Variants in NAV3 observed in about 807,000 individuals in gnomAD.
The protein encoded by NAV3 is pore membrane and/or filament interacting like protein 1.
NAV3 carries 87 observed loss-of-function variants against 244.7 expected under a neutral mutation model. The observed-to-expected ratio is 0.36, with a 90% confidence interval of 0.30 to 0.42. NAV3 has a LOEUF of 0.42. Ranked by LOEUF, NAV3 falls within the 20% of genes least tolerant of loss-of-function variation. The pLI, the probability that NAV3 is intolerant of heterozygous loss-of-function variation, is 1.00. For synonymous variants in NAV3, 1,126 were observed against 1,042.2 expected, an observed-to-expected ratio of 1.08 and a Z score of -1.55; for missense variants, 2,663 against 2,893.3, an observed-to-expected ratio of 0.92 and a Z score of 1.83.
rs73143961 is a variant in NAV3 at position 78,097,198 on chromosome 12, C to T, written c.2637-19574C>T. ...ATCCTAGAAAATTAAGACATCTGGT[C>T]AGGCAAGGTCATATCACCAGCACAC... On this transcript the variant is annotated intron_variant, in intron 12 of 39. Coordinates refer to ENST00000397909, the MANE Select transcript of NAV3 (RefSeq NM_001024383.2). 4.0e-3 allele frequency among the ~76,000 whole-genome samples: 616 copies of T among 152,306 alleles called. 5 individuals are homozygous for T. The highest frequency in any genetic ancestry group is 0.011 in the Admixed American group (164 of 15,300).
chr12:77,888,723 G>C (rs1883589992), intron 1 of NAV3, among the ~76,000 whole-genome samples: 2 of 152,130 alleles, frequency 1.3e-5, no homozygotes, highest in African/African-American at 2.4e-5. Flanking sequence ...AGAATGACCT[G>C]TATGTATTAA....
At chr12:77,787,214 A>G (rs1296257372) in intron 2 of NAV3, among the ~76,000 whole-genome samples, 1 of 152,134 alleles carries the variant, frequency 6.6e-6, no homozygotes, top group Admixed American at 6.6e-5. Flanking sequence ...TTTTACTGGT[A>G]TTGCATACTT....
chr12:78,159,406 G>A (rs533394553), intron 23 of NAV3, 120 bp downstream of exon 23: 32 of 876,028 alleles, frequency 3.7e-5, no homozygotes, highest in Non-Finnish European at 4.7e-5. Flanking sequence ...GCTCATGCCT[G>A]TAATCTCACC....
chr12:77,853,405 AAT>A (rs1877856933), intron 1 of NAV3, among the ~76,000 whole-genome samples: 1 of 152,168 alleles, frequency 6.6e-6, no homozygotes, highest in South Asian at 2.1e-4. Flanking sequence ...GCATATTGTG[AAT>A]ATCTTTTCCC....
intron 1 of NAV3, among the ~76,000 whole-genome samples, chr12:77,870,934 A>G (rs1280518117): frequency 6.6e-6 from 1 of 152,224 alleles, no homozygotes; most frequent in Non-Finnish European, 1.5e-5. Context: ...TTTCCTGGAG[A>G]CAACAGGGAG....
chr12:77,615,487 G>C (rs1871112261), intron 2 of NAV3, among the ~76,000 whole-genome samples: 1 of 152,126 alleles, frequency 6.6e-6, no homozygotes, highest in Non-Finnish European at 1.5e-5. Context: ...TTCTGTTCCT[G>C]TGTTAGTTTG....
chr12:78,048,828 TC>T (rs1882277657), intron 9 of NAV3, among the ~76,000 whole-genome samples: 1 of 152,114 alleles, frequency 6.6e-6, no homozygotes, highest in Admixed American at 6.6e-5. Flanking sequence ...AGCCGCCCCT[TC>T]CCCCAGGTGC....
At chr12:78,030,527 C>A (rs1244108253) in intron 9 of NAV3, among the ~76,000 whole-genome samples, 1 of 152,170 alleles carries the variant, frequency 6.6e-6, no homozygotes, top group Non-Finnish European at 1.5e-5. Flanking sequence ...CCCTGGTTCC[C>A]TTTTCTGTGT....
intron 1 of NAV3, among the ~76,000 whole-genome samples, chr12:77,899,778 A>T (rs1487088103): frequency 6.6e-6 from 1 of 152,226 alleles, no homozygotes; most frequent in Non-Finnish European, 1.5e-5. Flanking sequence ...TTCAAAAAAT[A>T]AAGCGTTAAT....
At chr12:77,732,869 A>T (rs1225708710) in intron 2 of NAV3, among the ~76,000 whole-genome samples, 1 of 152,070 alleles carries the variant, frequency 6.6e-6, no homozygotes, top group African/African-American at 2.4e-5. Context: ...AATTGAGAGT[A>T]GCTAAGTAAG....
intron 2 of NAV3, among the ~76,000 whole-genome samples, chr12:77,741,148 C>CAAAAAAAAAAAAAAAAAAAAAAACAA: frequency 1.5e-5 from 1 of 68,668 alleles, no homozygotes; most frequent in Non-Finnish European, 2.7e-5. Flanking sequence ...AAAAAAAAGA[C>CAAAAAAAAAAAAAAAAAAAAAAACAA]AAAAAAAAAA....
intron 2 of NAV3, among the ~76,000 whole-genome samples, chr12:77,764,342 T>C (rs1869636809): frequency 6.6e-6 from 1 of 152,234 alleles, no homozygotes; most frequent in African/African-American, 2.4e-5. Flanking sequence ...TGTTACCACA[T>C]AGGCAATCAT....
chr12:77,775,348 C>A (rs576290434), intron 2 of NAV3, among the ~76,000 whole-genome samples: 48 of 150,458 alleles, frequency 3.2e-4, no homozygotes, highest in Non-Finnish European at 5.9e-4. Context: ...GCCGAGATTG[C>A]ACCATTGTAC....
At chr12:77,744,474 G>A (rs1868434428) in intron 2 of NAV3, among the ~76,000 whole-genome samples, 1 of 151,956 alleles carries the variant, frequency 6.6e-6, no homozygotes, top group Non-Finnish European at 1.5e-5. Flanking sequence ...AGACTGGAGT[G>A]AAGGGTAGTT....
chr12:78,033,160 T>C (rs1005153753), intron 9 of NAV3, among the ~76,000 whole-genome samples: 7 of 152,122 alleles, frequency 4.6e-5, no homozygotes, highest in Non-Finnish European at 1.0e-4. Flanking sequence ...CATGTGCTTT[T>C]ACTGACTACC....
intron 1 of NAV3, among the ~76,000 whole-genome samples, chr12:77,865,359 A>G (rs1353071542): frequency 1.7e-5 from 2 of 116,126 alleles, no homozygotes; most frequent in African/African-American, 6.3e-5. Flanking sequence ...TCTATAAGGT[A>G]CCACATATTT....
chr12:78,009,867 C>G (rs903254126), intron 8 of NAV3, among the ~76,000 whole-genome samples: 1 of 152,120 alleles, frequency 6.6e-6, no homozygotes, highest in Non-Finnish European at 1.5e-5. Context: ...GAGCAAATTA[C>G]ATGAATATCA....
chr12:78,182,216 A>G (rs552240329), intron 30 of NAV3, among the ~76,000 whole-genome samples: 2 of 152,230 alleles, frequency 1.3e-5, no homozygotes, highest in East Asian at 3.9e-4. Context: ...TAAATTACAC[A>G]TAAAGTATTA....
In NAV3 at chr12:78,208,079, G is replaced by T. The variant is rs543682063; in HGVS notation, c.7039-2319G>T. 3.9e-5 allele frequency among the ~76,000 whole-genome samples: 6 copies of T among 152,222 alleles called. No homozygotes were observed. In the East Asian group the frequency reaches 1.2e-3, roughly 29 times the overall value. The stretch of plus-strand genomic sequence containing the variant: ...TTTGTAAAGAAAAGAGATTCATTTG[G>T]CTCATCGTTCTGGTGGTTGAAAAGT... On this transcript the variant is annotated intron_variant, in intron 39 of 39. Coordinates refer to ENST00000397909, the MANE Select transcript of NAV3 (RefSeq NM_001024383.2).
Sources: gnomAD v4.1 joint callset for allele counts (sites outside exome capture counted in the v4.1 genomes callset) on GRCh38, gnomAD v4.1.1 for gene constraint, MANE v1.5 for transcripts, NCBI Gene and HGNC (gene_info 2026-07-23, HGNC 2026-07-21) for gene names.